The following CCDC125 variants were observed in gnomAD, a reference collection of about 807,000 sequenced individuals.
CCDC125 encodes the protein coiled-coil domain-containing protein 125.
A neutral mutation model predicts 57.4 loss-of-function variants in CCDC125; 43 were observed. That is an observed-to-expected ratio of 0.75 (90% CI 0.59 to 0.97). The LOEUF (loss-of-function observed/expected upper bound fraction) is 0.97. CCDC125 is among the 50% of genes least tolerant of loss of function. The pLI, the probability that CCDC125 is intolerant of heterozygous loss-of-function variation, is 0.00. For synonymous variants in CCDC125, 187 were observed against 195.2 expected (o/e 0.96, Z 0.35); for missense variants, 563 against 595.7 (o/e 0.95, Z 0.57).
intron 7 of CCDC125, among the ~76,000 whole-genome samples, chr5:69,300,393 T>C (rs542971161): frequency 6.6e-6 from 1 of 152,192 alleles, no homozygotes; most frequent in African/African-American, 2.4e-5. Context: ...CTTGGAAAAT[T>C]TGTAGGATTT....
At chr5:69,288,139 C>T (rs72767872) in intron 10 of CCDC125, among the ~76,000 whole-genome samples, 20,256 of 152,014 alleles carry the variant, frequency 0.13, 1,462 homozygotes, top group Admixed American at 0.17. Context: ...ACACACAATT[C>T]TTAAGACTGT....
In CCDC125 at chr5:69,320,564, A is replaced by G; in HGVS notation, c.-24T>C. ...ATGAGCCAAATGCCGTCTTTATCATAAGAAAAAATGGGCTGTCTGTAGTTA... is the reference window on the plus strand; with the variant it reads ...ATGAGCCAAATGCCGTCTTTATCATGAGAAAAAATGGGCTGTCTGTAGTTA... On this transcript the variant is annotated 5_prime_UTR_variant, in exon 2 of 12. Transcript: ENST00000396496. The G allele has an allele frequency of 1.9e-6, 3 of 1,550,940 alleles. No individual in the cohort carries two copies. The highest frequency in any genetic ancestry group is 2.6e-6 in the Non-Finnish European group (3 of 1,143,142).
chr5:69,303,985 G>A lies in CCDC125; in HGVS notation c.618-56C>T, dbSNP rs1756927248. The A allele has an allele frequency of 4.1e-6, 4 of 979,134 alleles. No homozygotes were observed. In the South Asian group the frequency reaches 6.4e-5, roughly 16 times the overall value. The allele number at this position is 979,134 out of a possible 1,614,324, so 60.7% of individuals were successfully genotyped here. The stretch of plus-strand genomic sequence containing the variant: ...ACATTAATATTTCCTTGCTGAGCGA[G>A]AATATTTTTATTGCCATAATTGGAA... On this transcript the variant is annotated intron_variant, in intron 6 of 11. Transcript: ENST00000396496.
In CCDC125 at chr5:69,320,308, T is replaced by C; in HGVS notation, c.233A>G (p.Lys78Arg). 6.2e-7 allele frequency: 1 copy of C among 1,614,156 alleles called. No individual in the cohort carries two copies. Among genetic ancestry groups the C allele is most frequent in the Non-Finnish European group, 8.5e-7 (1 of 1,180,032 alleles). The change falls in exon 2 of 12, where the codon AAG (lysine) becomes AGG (arginine). Residue 78 changes from lysine (K) to arginine (R), a missense_variant. Transcript: ENST00000396496. ...GAATGTATCTTGCTGGCTCTTATGC[T>C]TGGAATACTGAAAACTCGCTTCATT... Reference protein sequence around the residue: ...ERNEASFQYSKHKSQQDTFPQ... With the variant: ...ERNEASFQYSRHKSQQDTFPQ...
At position 69,325,908 on chromosome 5, in the gene CCDC125, T is replaced by C. The variant is rs138274073; in HGVS notation, c.-40-5328A>G. ...CTTAGGCTGAAGTGCAGTGATGGCA[T>C]CCACAGCTCACTGCAGCCTCGACCT... On this transcript the variant is annotated intron_variant, in intron 1 of 11. Coordinates refer to ENST00000396496, the MANE Select transcript of CCDC125 (RefSeq NM_176816.5). Among the ~76,000 whole-genome samples, 1,228 of 146,180 alleles carry C rather than the reference T, an allele frequency of 8.4e-3. 8 individuals are homozygous for C. Among genetic ancestry groups the C allele is most frequent in the African/African-American group, 0.028 (1,113 of 40,248 alleles).
At chr5:69,322,623 C>T (rs528660091) in intron 1 of CCDC125, among the ~76,000 whole-genome samples, 42 of 151,800 alleles carry the variant, frequency 2.8e-4, no homozygotes, top group African/African-American at 3.1e-4. Flanking sequence ...AGTGCCGTGG[C>T]GCAATCTCAG....
chr5:69,312,064 G>T (rs187004846), intron 3 of CCDC125, among the ~76,000 whole-genome samples: 1 of 152,164 alleles, frequency 6.6e-6, no homozygotes, highest in East Asian at 1.9e-4. Flanking sequence ...TTTACATACT[G>T]AGGTTGTAGT....
At chr5:69,303,975 T>C (rs760590046) in intron 6 of CCDC125, 46 bp from the exon 7 acceptor site, 23 of 1,062,572 alleles carry the variant, frequency 2.2e-5, no homozygotes, top group Non-Finnish European at 3.0e-5. Flanking sequence ...AATATTTCCT[T>C]GCTGAGCGAG....
intron 2 of CCDC125, among the ~76,000 whole-genome samples, chr5:69,318,826 C>T (rs1164711762): frequency 6.6e-6 from 1 of 151,802 alleles, no homozygotes; most frequent in Non-Finnish European, 1.5e-5. Context: ...TTACAGAAGC[C>T]TTCCTAACCC....
downstream of CCDC125, among the ~76,000 whole-genome samples, chr5:69,278,534 T>G (rs987528463): frequency 1.3e-5 from 2 of 152,052 alleles, no homozygotes; most frequent in South Asian, 4.1e-4. Flanking sequence ...TTATTTCTAT[T>G]TTTTCCTTTT....
chr5:69,323,799 C>A (rs1760399712), intron 1 of CCDC125: 1 of 152,188 alleles, frequency 6.6e-6, no homozygotes, highest in Admixed American at 6.6e-5. Context: ...CCCTAGTCAC[C>A]TACCTGGTGA....
chr5:69,322,292 A>C (rs961880316), intron 1 of CCDC125, among the ~76,000 whole-genome samples: 1 of 152,094 alleles, frequency 6.6e-6, no homozygotes, highest in South Asian at 2.1e-4. Flanking sequence ...GGTGGGGAGC[A>C]GATATACTCT....
At chr5:69,275,155 ATGTAT>A in the CCDC125 span, among the ~76,000 whole-genome samples, 5 of 152,258 alleles carry the variant, frequency 3.3e-5, no homozygotes, top group African/African-American at 1.2e-4. Context: ...AGTCAAGAAA[ATGTAT>A]TGTATCTACA....
intron 4 of CCDC125, chr5:69,309,287 A>G (rs185226675): frequency 4.3e-4 from 65 of 152,326 alleles, no homozygotes; most frequent in African/African-American, 1.5e-3. Flanking sequence ...CTCTCTCATC[A>G]CAGAGCCAGA....
intron 2 of CCDC125, among the ~76,000 whole-genome samples, chr5:69,315,760 CAAA>C (rs749999748): frequency 2.3e-5 from 2 of 88,142 alleles, no homozygotes; most frequent in Admixed American, 1.3e-4. Context: ...AACTCCGTCT[CAAA>C]AAAAAAAAAA....
chr5:69,286,726 GT>G (rs1753546131), intron 10 of CCDC125, among the ~76,000 whole-genome samples: 1 of 152,078 alleles, frequency 6.6e-6, no homozygotes, highest in South Asian at 2.1e-4. Flanking sequence ...TTTCAAGAAT[GT>G]TTTTGGAATA....
intron 8 of CCDC125, among the ~76,000 whole-genome samples, chr5:69,297,983 C>CAAAACAA (rs1209221261): frequency 6.7e-6 from 1 of 148,992 alleles, no homozygotes; most frequent in Non-Finnish European, 1.5e-5. Context: ...AAAAACAAAA[C>CAAAACAA]AAAACAAAAA....
At chr5:69,300,222 A>C (rs897818357) in intron 7 of CCDC125, 95 bp from the exon 8 acceptor site, 51 of 867,596 alleles carry the variant, frequency 5.9e-5, no homozygotes, top group Non-Finnish European at 9.0e-5. Context: ...ATTTCGTACA[A>C]GCAATACACT....
intron 1 of CCDC125, among the ~76,000 whole-genome samples, chr5:69,324,492 C>T (rs1176447273): frequency 6.6e-6 from 1 of 152,142 alleles, no homozygotes; most frequent in African/African-American, 2.4e-5. Flanking sequence ...GAAACAGAAC[C>T]CCATGTCCGT....
Sources: allele counts gnomAD v4.1 joint callset (sites outside exome capture counted in the v4.1 genomes callset), GRCh38; gene constraint gnomAD v4.1.1; transcripts MANE v1.5; gene names NCBI Gene and HGNC (gene_info 2026-07-23, HGNC 2026-07-21).